The following BICD2 variants were observed in gnomAD, a reference collection of about 807,000 sequenced individuals.
BICD2 encodes BICD cargo adaptor 2.
A neutral mutation model predicts 72.9 loss-of-function variants in BICD2; 25 were observed. The ratio of observed to expected loss-of-function variants is 0.34; its 90% CI spans 0.25 to 0.48. BICD2 has a LOEUF of 0.48. Among genes scored for constraint, BICD2 ranks in the 20% least tolerant of loss-of-function variants. The pLI, the probability that BICD2 is intolerant of heterozygous loss-of-function variation, is 0.99. For missense variants in BICD2, 894 were observed against 1,175.2 expected (o/e 0.76, Z 3.50); for synonymous variants, 501 against 516.1 (o/e 0.97, Z 0.40).
At chr9:92,759,962 G>A (rs543027791) in intron 1 of BICD2, among the ~76,000 whole-genome samples, 4 of 152,182 alleles carry the variant, frequency 2.6e-5, no homozygotes, top group Non-Finnish European at 5.9e-5. Flanking sequence ...GACCTGGGCC[G>A]GATGCTCAGA....
chr9:92,754,457 C>A (rs1448664249), intron 1 of BICD2, among the ~76,000 whole-genome samples: 1 of 152,158 alleles, frequency 6.6e-6, no homozygotes, highest in African/African-American at 2.4e-5. Flanking sequence ...CAGTCTGGAA[C>A]AAATTTACAT....
intron 1 of BICD2, among the ~76,000 whole-genome samples, chr9:92,748,771 C>G (rs1410060461): frequency 6.6e-6 from 1 of 152,152 alleles, no homozygotes; most frequent in African/African-American, 2.4e-5. Context: ...ATGTGGGGTC[C>G]AGGGCCCCCA....
Position 92,719,456 on chromosome 9 carries a change from G to A in BICD2, c.1189C>T (p.Leu397=). 3 of 1,614,126 alleles carry A rather than the reference G, an allele frequency of 1.9e-6. No individual in the cohort carries two copies. The highest frequency in any genetic ancestry group is 2.5e-6 in the Non-Finnish European group (3 of 1,180,024). ...TCCTTGCTGGCCTGCAGGCGCCGCA[G>A]GGCACTCAGATTCTCTGTGAGGCGG... ...VTRLTENLSA[L]RRLQASKERQ... Residue 397 remains leucine, a synonymous_variant, in exon 5 of 7, where the codon CTG becomes TTG. Coordinates refer to ENST00000356884, the MANE Select transcript of BICD2 (RefSeq NM_001003800.2).
intron 1 of BICD2, among the ~76,000 whole-genome samples, chr9:92,747,211 A>C (rs947074635): frequency 6.6e-6 from 1 of 152,186 alleles, no homozygotes; most frequent in African/African-American, 2.4e-5. Flanking sequence ...ACCGGGGGCC[A>C]AGAGGGTAAA....
At chr9:92,732,508 A>G (rs1853697811) in intron 1 of BICD2, among the ~76,000 whole-genome samples, 1 of 152,212 alleles carries the variant, frequency 6.6e-6, no homozygotes, top group African/African-American at 2.4e-5. Context: ...ATATGAAGCA[A>G]ACTACACCAA....
chr9:92,742,778 T>C (rs1228657915), intron 1 of BICD2, among the ~76,000 whole-genome samples: 3 of 152,222 alleles, frequency 2.0e-5, no homozygotes, highest in Non-Finnish European at 4.4e-5. Flanking sequence ...AACCAATCTA[T>C]TTTCCATCTC....
chr9:92,760,664 C>T lies in BICD2; in HGVS notation c.240+3841G>A, dbSNP rs1325226772. Among the ~76,000 whole-genome samples the T allele has an allele frequency of 2.0e-5, 3 of 152,156 alleles. No individual in the cohort carries two copies. The East Asian group carries it at 5.8e-4, about 29-fold the overall frequency. ...CCACATGGTCATCATCTTTGGATGC[C>T]TATAGCTGCCTCTCCCCAACTGTCA... On this transcript the variant is annotated intron_variant, in intron 1 of 6. Transcript: ENST00000356884.
chr9:92,746,069 C>T (rs562098016), intron 1 of BICD2, among the ~76,000 whole-genome samples: 1 of 152,364 alleles, frequency 6.6e-6, no homozygotes. Flanking sequence ...CTGGGCCCCA[C>T]TTCCCACAAT....
intron 2 of BICD2, 101 bp downstream of exon 2, chr9:92,728,923 C>T: frequency 7.5e-7 from 1 of 1,333,760 alleles, no homozygotes; most frequent in Non-Finnish European, 1.0e-6. Context: ...CTGCAGCGTC[C>T]CCAGAGGCCA....
chr9:92,758,745 T>C (rs1854314689), intron 1 of BICD2, among the ~76,000 whole-genome samples: 2 of 151,348 alleles, frequency 1.3e-5, no homozygotes, highest in Admixed American at 6.6e-5. Context: ...TCCCAGCTAC[T>C]AGGGAGGCTG....
At position 92,714,595 on chromosome 9, in the gene BICD2, A is replaced by G. The variant is rs1047360959; in HGVS notation, c.*559T>C. On this transcript the variant is annotated 3_prime_UTR_variant, in exon 7 of 7. Coordinates refer to ENST00000356884, the MANE Select transcript of BICD2 (RefSeq NM_001003800.2). ...TCTGGGCTTGGGGAAGAAATTCTGCACTTCTTTCCTGAATATGATTTGCAG... is the reference window on the plus strand; with the variant it reads ...TCTGGGCTTGGGGAAGAAATTCTGCGCTTCTTTCCTGAATATGATTTGCAG... 1.2e-5 allele frequency: 12 copies of G among 985,466 alleles called. No individual in the cohort carries two copies. The East Asian group carries it at 1.1e-3, about 93-fold the overall frequency. The allele number at this position is 985,466 out of a possible 1,614,324, so 61.0% of individuals were successfully genotyped here. A position where few individuals can be genotyped will look rare whatever the true frequency, so the allele number is the denominator to read the frequency against.
In BICD2 at chr9:92,715,324, C is replaced by T. The variant is rs1273239213; in HGVS notation, c.2398G>A (p.Glu800Lys). The T allele has an allele frequency of 8.1e-6, 13 of 1,612,912 alleles. No homozygotes were observed. Among genetic ancestry groups the T allele is most frequent in the Middle Eastern group, 1.7e-4 (1 of 6,060 alleles). Residue 800 changes from glutamate to lysine, a missense_variant, in exon 7 of 7, where the codon GAG (glutamate) becomes AAG (lysine). Physicochemically the swap from Glu to Lys is moderately conservative, Grantham distance 56 (BLOSUM62 1). Around this residue, in one of 5 missense-constraint regions of BICD2, gnomAD observed 321 missense variants for 443.9 expected, o/e 0.72. Coordinates refer to ENST00000356884, the MANE Select transcript of BICD2 (RefSeq NM_001003800.2). Reference protein sequence around the residue: ...LALTQRLELLELDHEQTRRGR... With the variant: ...LALTQRLELLKLDHEQTRRGR... ...CGCCGGGTCTGCTCATGGTCCAGCT[C>T]GAGCAGCTCCAGCCGCTGGGTCAGC...
intron 1 of BICD2, among the ~76,000 whole-genome samples, chr9:92,748,130 C>T (rs1221531869): frequency 6.6e-6 from 1 of 152,182 alleles, no homozygotes; most frequent in Non-Finnish European, 1.5e-5. Context: ...ATCCCTCTCT[C>T]TCCAGCCAGT....
At chr9:92,734,739 C>T (rs973278000) in intron 1 of BICD2, among the ~76,000 whole-genome samples, 2 of 152,176 alleles carry the variant, frequency 1.3e-5, no homozygotes, top group Non-Finnish European at 2.9e-5. Flanking sequence ...CAGCTTCCTT[C>T]CCCTGCCTCA....
chr9:92,714,800 GCTGAGGGAGCAGGACCAGGACTCCTCC>G lies in BICD2; in HGVS notation c.*327_*353del. Reference sequence around the variant, plus strand: ...AACTCAGGTTCTGCCCCTTTTGGGTGCTGAGGGAGCAGGACCAGGACTCCTCCCTTGGGTTTCCCCACGGGTGCGCAG... The same window carrying G: ...AACTCAGGTTCTGCCCCTTTTGGGTGCTTGGGTTTCCCCACGGGTGCGCAG... On this transcript the variant is annotated 3_prime_UTR_variant, in exon 7 of 7. Coordinates refer to ENST00000356884, the MANE Select transcript of BICD2 (RefSeq NM_001003800.2). 5 of 1,048,188 alleles carry G rather than the reference GCTGAGGGAGCAGGACCAGGACTCCTCC, an allele frequency of 4.8e-6. No individual in the cohort carries two copies. The highest frequency in any genetic ancestry group is 5.7e-6 in the Non-Finnish European group (5 of 871,086). The allele number at this position is 1,048,188 out of a possible 1,614,324, so 64.9% of individuals were successfully genotyped here.
chr9:92,741,406 A>G (rs1244326275), intron 1 of BICD2, among the ~76,000 whole-genome samples: 1 of 152,272 alleles, frequency 6.6e-6, no homozygotes, highest in Non-Finnish European at 1.5e-5. Flanking sequence ...ATGAAACAAG[A>G]TAAGCCAACA....
At chr9:92,742,811 A>C (rs1370305714) in intron 1 of BICD2, among the ~76,000 whole-genome samples, 2 of 152,204 alleles carry the variant, frequency 1.3e-5, no homozygotes, top group African/African-American at 4.8e-5. Context: ...TATTCTGGAC[A>C]TTTCAGTCTT....
chr9:92,748,470 C>T (rs1327947959), intron 1 of BICD2, among the ~76,000 whole-genome samples: 1 of 152,082 alleles, frequency 6.6e-6, no homozygotes, highest in Non-Finnish European at 1.5e-5. Flanking sequence ...TTGAAAGTCC[C>T]CCAGTGACCC....
At chr9:92,722,148 A>C (rs561099437) in intron 3 of BICD2, among the ~76,000 whole-genome samples, 1 of 152,296 alleles carries the variant, frequency 6.6e-6, no homozygotes, top group East Asian at 1.9e-4. Context: ...CATCACAAAG[A>C]GAAGGGACCC....
Sources: allele counts gnomAD v4.1 joint callset (sites outside exome capture counted in the v4.1 genomes callset), GRCh38; gene constraint gnomAD v4.1.1; regional missense constraint gnomAD v4.1.1; transcripts MANE v1.5; gene names NCBI Gene and HGNC (gene_info 2026-07-23, HGNC 2026-07-21).